Variants in RNGTT observed in about 807,000 individuals in gnomAD.
RNGTT encodes the protein RNA guanylyltransferase and 5'-phosphatase, also known as mRNA-capping enzyme.
In RNGTT, 33 loss-of-function variants were observed where a neutral mutation model predicts 79.3. That is an observed-to-expected ratio of 0.42 (90% CI 0.32 to 0.56). The LOEUF (loss-of-function observed/expected upper bound fraction) is 0.56, where lower values mean the gene tolerates loss of function less well. Among genes scored for constraint, RNGTT ranks in the 20% least tolerant of loss-of-function variants. RNGTT has a pLI of 0.17. For missense variants in RNGTT, 497 were observed against 739.1 expected, an observed-to-expected ratio of 0.67 and a Z score of 3.80; for synonymous variants, 222 against 235.9, an observed-to-expected ratio of 0.94 and a Z score of 0.54.
intron 2 of RNGTT, among the ~76,000 whole-genome samples, chr6:88,934,972 T>C (rs1582149755): frequency 6.6e-6 from 1 of 152,250 alleles, no homozygotes; most frequent in Non-Finnish European, 1.5e-5. Flanking sequence ...GTTGTGTTTT[T>C]GAGGTCTTAG....
At chr6:88,834,603 A>G (rs1175018928) in intron 11 of RNGTT, among the ~76,000 whole-genome samples, 4 of 152,176 alleles carry the variant, frequency 2.6e-5, no homozygotes, top group Non-Finnish European at 5.9e-5. Context: ...TTATGCAAAA[A>G]TTCTTTCTTC....
chr6:88,859,094 C>A (rs1419166753), intron 8 of RNGTT, among the ~76,000 whole-genome samples: 1 of 151,854 alleles, frequency 6.6e-6, no homozygotes, highest in East Asian at 1.9e-4. Context: ...TGGGCTCAAG[C>A]AATCCTCCCA....
At chr6:88,719,357 T>C (rs1365889331) in intron 13 of RNGTT, among the ~76,000 whole-genome samples, 2 of 152,198 alleles carry the variant, frequency 1.3e-5, no homozygotes, top group Non-Finnish European at 2.9e-5. Context: ...GACTTTTTTA[T>C]TCCTTCTGTG....
At chr6:88,729,581 C>G (rs1777040078) in intron 13 of RNGTT, among the ~76,000 whole-genome samples, 1 of 151,924 alleles carries the variant, frequency 6.6e-6, no homozygotes, top group Admixed American at 6.6e-5. Context: ...ATTGGATAAA[C>G]TACATCTATT....
At chr6:88,819,694 TC>T (rs1317616012) in intron 11 of RNGTT, among the ~76,000 whole-genome samples, 3 of 152,078 alleles carry the variant, frequency 2.0e-5, no homozygotes, top group Non-Finnish European at 4.4e-5. Context: ...CATCCTAGTG[TC>T]CAAGATCCTA....
chr6:88,891,308 A>T (rs1783040744), intron 7 of RNGTT, among the ~76,000 whole-genome samples: 1 of 152,146 alleles, frequency 6.6e-6, no homozygotes, highest in South Asian at 2.1e-4. Flanking sequence ...GATACCAATG[A>T]TCAGCAGAAA....
rs149068994 is a variant in RNGTT, at chr6:88,912,407, A to G, written c.368-5967T>C. ...CTGGCTGACAGAGTGAGACCCTGCC[A>G]CCAAAAATAAAAAGAAATGAAAAGA... On this transcript the variant is annotated intron_variant, in intron 4 of 15. Coordinates refer to ENST00000369485, the MANE Select transcript of RNGTT (RefSeq NM_003800.5). 1.1e-3 allele frequency among the ~76,000 whole-genome samples: 170 copies of G among 152,232 alleles called. 1 individual carries two copies. The highest frequency in any genetic ancestry group is 4.0e-3 in the African/African-American group (165 of 41,552).
rs1325799895 is a variant in RNGTT at position 88,714,837 on chromosome 6, T to G, written c.1440-36418A>C. 2.0e-5 allele frequency among the ~76,000 whole-genome samples: 3 copies of G among 152,304 alleles called. No homozygotes were observed. In the East Asian group the frequency reaches 5.8e-4, roughly 29 times the overall value. On this transcript the variant is annotated intron_variant, in intron 13 of 15. Coordinates refer to ENST00000369485, the MANE Select transcript of RNGTT (RefSeq NM_003800.5). ...ATCTCAAAACAATAAGAGCTATCTA[T>G]GACAAACCCACAGCCAATATCATAC...
chr6:88,641,597 G>C (rs2127773420), intron 14 of RNGTT, among the ~76,000 whole-genome samples: 1 of 152,298 alleles, frequency 6.6e-6, no homozygotes, highest in South Asian at 2.1e-4. Flanking sequence ...CATTTGGGTG[G>C]AGAGACTTGA....
intron 12 of RNGTT, among the ~76,000 whole-genome samples, chr6:88,797,555 C>T (rs919623344): frequency 6.6e-6 from 1 of 151,878 alleles, no homozygotes; most frequent in Non-Finnish European, 1.5e-5. Context: ...AAAAATGGAC[C>T]TTATATATTT....
chr6:88,819,846 G>A (rs148131035), intron 11 of RNGTT, among the ~76,000 whole-genome samples: 1 of 152,176 alleles, frequency 6.6e-6, no homozygotes, highest in African/African-American at 2.4e-5. Flanking sequence ...ATCCAGCAAT[G>A]AAAGAGGCAT....
At chr6:88,905,501 C>T (rs987909677) in intron 5 of RNGTT, among the ~76,000 whole-genome samples, 4 of 152,188 alleles carry the variant, frequency 2.6e-5, no homozygotes, top group African/African-American at 7.2e-5. Context: ...CATATGTGTA[C>T]TTCAACTGAT....
At chr6:88,949,550 C>A (rs1017558491) in intron 1 of RNGTT, among the ~76,000 whole-genome samples, 2 of 152,134 alleles carry the variant, frequency 1.3e-5, no homozygotes, top group Non-Finnish European at 2.9e-5. Context: ...ACGTGAGCCA[C>A]CATGCCTGGC....
At chr6:88,888,073 T>C (rs574765261) in intron 8 of RNGTT, among the ~76,000 whole-genome samples, 64 of 152,090 alleles carry the variant, frequency 4.2e-4, no homozygotes, top group African/African-American at 5.8e-4. Flanking sequence ...GCAATCACTG[T>C]GCCACTGCAC....
intron 4 of RNGTT, among the ~76,000 whole-genome samples, chr6:88,913,214 C>CA (rs58717773): frequency 0.096 from 6,303 of 65,356 alleles, 515 homozygotes; most frequent in African/African-American, 0.26. Flanking sequence ...CAAAAAAAAA[C>CA]AAAAAAAAAA....
intron 6 of RNGTT, among the ~76,000 whole-genome samples, chr6:88,892,952 T>G (rs1430054071): frequency 6.6e-6 from 1 of 152,076 alleles, no homozygotes; most frequent in Non-Finnish European, 1.5e-5. Flanking sequence ...AAGCACTTTT[T>G]GTACTTATCT....
chr6:88,658,087 C>T (rs910463619), intron 14 of RNGTT, among the ~76,000 whole-genome samples: 1 of 152,164 alleles, frequency 6.6e-6, no homozygotes, highest in Non-Finnish European at 1.5e-5. Context: ...TATTCCCCTC[C>T]TACTACCACA....
chr6:88,800,722 G>T (rs897929957), intron 12 of RNGTT, among the ~76,000 whole-genome samples: 1 of 152,194 alleles, frequency 6.6e-6, no homozygotes, highest in African/African-American at 2.4e-5. Flanking sequence ...AACTTCCTGG[G>T]TGGTGCTAAT....
At chr6:88,781,237 T>C (rs1779054075) in intron 12 of RNGTT, among the ~76,000 whole-genome samples, 1 of 151,968 alleles carries the variant, frequency 6.6e-6, no homozygotes, top group African/African-American at 2.4e-5. Flanking sequence ...AATGCAATAA[T>C]AGCATTTTGC....
Sources: allele counts gnomAD v4.1 joint callset (sites outside exome capture counted in the v4.1 genomes callset), GRCh38; gene constraint gnomAD v4.1.1; transcripts MANE v1.5; gene names NCBI Gene and HGNC (gene_info 2026-07-23, HGNC 2026-07-21).